AGBL4: variants seen among roughly 807,000 people sequenced by gnomAD.
The protein encoded by AGBL4 is cytosolic carboxypeptidase 6.
AGBL4 carries 58 observed loss-of-function variants against 66.4 expected under a neutral mutation model. That is an observed-to-expected ratio of 0.87 (90% CI 0.71 to 1.09). The LOEUF (loss-of-function observed/expected upper bound fraction) is 1.09, where lower values mean the gene tolerates loss of function less well. Ranked by LOEUF, AGBL4 falls within the 50% of genes least tolerant of loss-of-function variation. The pLI, the probability that AGBL4 is intolerant of heterozygous loss-of-function variation, is 0.00. For missense variants in AGBL4, 579 were observed against 631.0 expected (o/e 0.92, Z 0.88); for synonymous variants, 234 against 222.9 (o/e 1.05, Z -0.44).
At chr1:49,475,095 T>C (rs1438162407) in intron 3 of AGBL4, among the ~76,000 whole-genome samples, 1 of 152,050 alleles carries the variant, frequency 6.6e-6, no homozygotes, top group Non-Finnish European at 1.5e-5. Context: ...GCTTTTATTA[T>C]TTTGAGGTAT....
In AGBL4 at chr1:48,699,267, G is replaced by C. The variant is rs191788786; in HGVS notation, c.635-36026C>G. 2.0e-5 allele frequency among the ~76,000 whole-genome samples: 3 copies of C among 152,142 alleles called. No homozygotes were observed. In the South Asian group the frequency reaches 6.2e-4, roughly 32 times the overall value. On this transcript the variant is annotated intron_variant, in intron 6 of 13. Coordinates refer to ENST00000371839, the MANE Select transcript of AGBL4 (RefSeq NM_032785.4). ...CTTAGGCATGATACAGACCCTTTTA[G>C]CCCCTGAGTTTTGTTCTCTGTAAAA...
intron 6 of AGBL4, among the ~76,000 whole-genome samples, chr1:48,705,262 G>T (rs1184712918): frequency 6.6e-6 from 1 of 152,038 alleles, no homozygotes; most frequent in Non-Finnish European, 1.5e-5. Context: ...AGCAAAAAAT[G>T]TATAAAAAAG....
chr1:48,656,873 T>C (rs1397461470), intron 7 of AGBL4, among the ~76,000 whole-genome samples: 1 of 152,176 alleles, frequency 6.6e-6, no homozygotes, highest in Non-Finnish European at 1.5e-5. Context: ...GGGTACTATG[T>C]TCACTACTTG....
chr1:49,761,669 A>G (rs1652328892), intron 2 of AGBL4, among the ~76,000 whole-genome samples: 3 of 152,258 alleles, frequency 2.0e-5, no homozygotes, highest in African/African-American at 4.8e-5. Flanking sequence ...TAGTATATCC[A>G]TCACCAAACA....
chr1:49,106,165 C>A (rs1645288132), intron 4 of AGBL4, among the ~76,000 whole-genome samples: 1 of 152,186 alleles, frequency 6.6e-6, no homozygotes, highest in Non-Finnish European at 1.5e-5. Context: ...GACTAGAGAA[C>A]TACACCACAT....
At chr1:49,799,168 C>T (rs544525959) in intron 2 of AGBL4, among the ~76,000 whole-genome samples, 2 of 152,068 alleles carry the variant, frequency 1.3e-5, no homozygotes, top group South Asian at 4.2e-4. Context: ...TTAAAAGCAC[C>T]CTTTGGCCAC....
At chr1:49,718,435 T>C (rs1247265214) in intron 2 of AGBL4, among the ~76,000 whole-genome samples, 1 of 152,106 alleles carries the variant, frequency 6.6e-6, no homozygotes, top group Non-Finnish European at 1.5e-5. Context: ...AAAACTCTTT[T>C]CTTCATAAAT....
At chr1:49,849,483 A>G (rs886804711) in intron 2 of AGBL4, among the ~76,000 whole-genome samples, 14 of 136,390 alleles carry the variant, frequency 1.0e-4, no homozygotes, top group Non-Finnish European at 1.6e-4. Flanking sequence ...ATACATACAC[A>G]CACACACACA....
At chr1:48,763,695 T>C (rs1644391770) in intron 6 of AGBL4, among the ~76,000 whole-genome samples, 1 of 152,170 alleles carries the variant, frequency 6.6e-6, no homozygotes, top group Admixed American at 6.5e-5. Flanking sequence ...AGGATCATGT[T>C]AGTGTGGAGA....
At chr1:49,968,586 A>G (rs561900765) in intron 1 of AGBL4, among the ~76,000 whole-genome samples, 2 of 152,274 alleles carry the variant, frequency 1.3e-5, no homozygotes, top group South Asian at 2.1e-4. Context: ...CATGCCTACT[A>G]AAATATTTAT....
At chr1:49,082,873 A>T (rs1644832376) in intron 4 of AGBL4, among the ~76,000 whole-genome samples, 1 of 152,254 alleles carries the variant, frequency 6.6e-6, no homozygotes, top group African/African-American at 2.4e-5. Context: ...CTTCCTAGAT[A>T]CAATGGAGGT....
At chr1:49,291,614 T>C (rs1162774456) in intron 3 of AGBL4, among the ~76,000 whole-genome samples, 13 of 152,236 alleles carry the variant, frequency 8.5e-5, no homozygotes, top group Admixed American at 7.8e-4. Flanking sequence ...TCTGAGTTGA[T>C]AGAATATCTT....
At chr1:48,827,995 TACACACACACACACACACAC>T (rs375257744) in intron 6 of AGBL4, among the ~76,000 whole-genome samples, 17 of 116,954 alleles carry the variant, frequency 1.5e-4, no homozygotes, top group African/African-American at 1.9e-4. Context: ...CTACTAAAAA[TACACACACACACACACACAC>T]ACACACACAC....
intron 6 of AGBL4, among the ~76,000 whole-genome samples, chr1:48,691,586 T>C (rs866916041): frequency 6.6e-6 from 1 of 152,124 alleles, no homozygotes; most frequent in Non-Finnish European, 1.5e-5. Context: ...GGTGAGAAAT[T>C]GGGGTTGGAG....
At chr1:48,546,864 A>AACACACACACACAC (rs58136623) in intron 11 of AGBL4, among the ~76,000 whole-genome samples, 2,341 of 128,164 alleles carry the variant, frequency 0.018, 19 homozygotes, top group Non-Finnish European at 0.023. Context: ...AAAACAAACA[A>AACACACACACACAC]ACACACACAC....
chr1:49,000,998 G>A (rs151077636), intron 5 of AGBL4, among the ~76,000 whole-genome samples: 148 of 152,242 alleles, frequency 9.7e-4, no homozygotes, highest in Non-Finnish European at 1.8e-3. Context: ...GTTGAGTGCC[G>A]GGCTCTTTCA....
At chr1:48,986,277 C>T (rs766513938) in intron 5 of AGBL4, among the ~76,000 whole-genome samples, 12 of 151,838 alleles carry the variant, frequency 7.9e-5, no homozygotes, top group Non-Finnish European at 7.4e-5. Context: ...AATTTTTCCA[C>T]GTTTGATGAA....
chr1:48,942,897 G>A (rs564962656), intron 5 of AGBL4, among the ~76,000 whole-genome samples: 25 of 152,256 alleles, frequency 1.6e-4, no homozygotes, highest in African/African-American at 4.6e-4. Context: ...TACAAGGCAC[G>A]TATATACCAT....
At chr1:49,271,954 G>A (rs1644069832) in intron 3 of AGBL4, among the ~76,000 whole-genome samples, 1 of 152,150 alleles carries the variant, frequency 6.6e-6, no homozygotes, top group African/African-American at 2.4e-5. Context: ...TGCTGTGACA[G>A]AAAACTTGGC....
Sources: allele counts gnomAD v4.1 joint callset (sites outside exome capture counted in the v4.1 genomes callset), GRCh38; gene constraint gnomAD v4.1.1; transcripts MANE v1.5; gene names NCBI Gene and HGNC (gene_info 2026-07-23, HGNC 2026-07-21).